CRADD: variants seen among roughly 807,000 people sequenced by gnomAD.
CRADD encodes death domain-containing protein CRADD.
A neutral mutation model predicts 15.5 loss-of-function variants in CRADD; 9 were observed. The ratio of observed to expected loss-of-function variants is 0.58; its 90% confidence interval spans 0.35 to 1.01. The LOEUF (loss-of-function observed/expected upper bound fraction) is 1.01. CRADD is among the 50% of genes least tolerant of loss of function. The pLI, the probability that CRADD is intolerant of heterozygous loss-of-function variation, is 0.02. For missense variants in CRADD, 227 were observed against 250.3 expected, an observed-to-expected ratio of 0.91 and a Z score of 0.63; for synonymous variants, 118 against 107.6, an observed-to-expected ratio of 1.10 and a Z score of -0.60.
chr12:93,767,939 A>T (rs1957042919), intron 2 of CRADD, among the ~76,000 whole-genome samples: 1 of 152,260 alleles, frequency 6.6e-6, no homozygotes, highest in Non-Finnish European at 1.5e-5. Flanking sequence ...ATTTTGGAGT[A>T]TATCTTTCCT....
At chr12:93,716,092 A>G (rs1468813128) in intron 2 of CRADD, among the ~76,000 whole-genome samples, 1 of 151,712 alleles carries the variant, frequency 6.6e-6, no homozygotes, top group Non-Finnish European at 1.5e-5. Flanking sequence ...AGATTGTGCC[A>G]CTGCACTCTA....
intron 2 of CRADD, chr12:93,733,732 C>G (rs1956511157): frequency 6.6e-6 from 1 of 151,844 alleles, no homozygotes; most frequent in African/African-American, 2.4e-5. Flanking sequence ...ATCCATTCAT[C>G]CATCCTTTGT....
rs142345247 is a variant in CRADD at position 93,850,451 on chromosome 12, A to C, written c.*180A>C. On this transcript the variant is annotated 3_prime_UTR_variant, in exon 3 of 3. Coordinates refer to ENST00000332896, the MANE Select transcript of CRADD (RefSeq NM_003805.5). This position sits in a 1 kb window ranked among gnomAD's most constrained non-coding sequence, Gnocchi z 4.0. ...CTTGAAAGGCCAGATTACTCAGCAGATCTCCCATGTTGGCTCAACAATTCT... is the reference window on the plus strand; with the variant it reads ...CTTGAAAGGCCAGATTACTCAGCAGCTCTCCCATGTTGGCTCAACAATTCT... 418 of 1,347,022 alleles carry C rather than the reference A, an allele frequency of 3.1e-4. No homozygotes were observed. The East Asian group carries it at 6.1e-3, about 20-fold the overall frequency. 83.4% of individuals were successfully genotyped at this position (1,347,022 alleles called of 1,614,324 possible).
At chr12:93,753,435 G>A (rs7976382) in intron 2 of CRADD, among the ~76,000 whole-genome samples, 85,801 of 151,930 alleles carry the variant, frequency 0.56, 25,275 homozygotes, top group East Asian at 0.89. Flanking sequence ...AGTCCCCCAA[G>A]GTCTTAGCTC....
intron 2 of CRADD, among the ~76,000 whole-genome samples, chr12:93,786,099 T>A (rs2136978435): frequency 6.6e-6 from 1 of 152,336 alleles, no homozygotes; most frequent in Non-Finnish European, 1.5e-5. Context: ...TTTGATATAA[T>A]GGAGGTACAA....
chr12:93,850,161 T>A lies in CRADD; in HGVS notation c.490T>A (p.Phe164Ile). 1 of 1,613,784 alleles carries A rather than the reference T, an allele frequency of 6.2e-7. No individual in the cohort carries two copies. The highest frequency in any genetic ancestry group is 8.5e-7 in the Non-Finnish European group (1 of 1,179,772). ...HNVQSQVVEA[F>I]IRWRQRFGKQ... ...CGTGCAGTCGCAGGTGGTGGAGGCC[T>A]TCATCCGTTGGCGGCAGCGCTTCGG... Residue 164 changes from phenylalanine (F) to isoleucine (I), a missense_variant, in exon 3 of 3, where the codon TTC becomes ATC. Transcript: ENST00000332896. The surrounding 1 kb of genome is among the most constrained non-coding windows in gnomAD (Gnocchi z 4.0).
intron 2 of CRADD, among the ~76,000 whole-genome samples, chr12:93,822,883 T>G (rs1205973455): frequency 2.0e-5 from 3 of 152,224 alleles, no homozygotes; most frequent in African/African-American, 4.8e-5. Flanking sequence ...CTTTCAAATC[T>G]CTGTGCAATT....
chr12:93,682,042 G>A lies in CRADD; in HGVS notation c.298+2970G>A, dbSNP rs147001514. Among the ~76,000 whole-genome samples the A allele has an allele frequency of 2.5e-3, 374 of 152,140 alleles. 4 individuals carry two copies. Among genetic ancestry groups the A allele is most frequent in the Non-Finnish European group, 2.5e-4 (17 of 68,014 alleles). Reference sequence around the variant, plus strand: ...TTACATGTTTAAAGTAATTTAATTGGTGGCAATATTTTAATTCTAAAATTA... The same window carrying A: ...TTACATGTTTAAAGTAATTTAATTGATGGCAATATTTTAATTCTAAAATTA... On this transcript the variant is annotated intron_variant, in intron 2 of 2. Transcript: ENST00000332896.
At chr12:93,711,514 A>G (rs1386618392) in intron 2 of CRADD, among the ~76,000 whole-genome samples, 4 of 150,900 alleles carry the variant, frequency 2.7e-5, no homozygotes, top group Non-Finnish European at 4.4e-5. Flanking sequence ...ATTAGCTCCC[A>G]CTCTTGCCTC....
intron 2 of CRADD, among the ~76,000 whole-genome samples, chr12:93,679,531 G>A (rs763311139): frequency 1.3e-5 from 2 of 152,146 alleles, no homozygotes. Context: ...GGGACTGAAG[G>A]GACATGACGT....
intron 2 of CRADD, among the ~76,000 whole-genome samples, chr12:93,781,936 G>A (rs183185780): frequency 3.0e-4 from 46 of 152,272 alleles, no homozygotes; most frequent in Non-Finnish European, 5.6e-4. Flanking sequence ...TCAGTGTGGC[G>A]ATTCCTCAGG....
intron 2 of CRADD, among the ~76,000 whole-genome samples, chr12:93,870,033 A>G (rs1958404718): frequency 6.6e-6 from 1 of 152,210 alleles, no homozygotes. Flanking sequence ...AAAATCTTTA[A>G]AACAGCCCAA....
chr12:93,816,008 A>G lies in CRADD; in HGVS notation c.299-33962A>G, dbSNP rs562041076. The G allele has an allele frequency of 4.6e-5, 7 of 152,370 alleles. No homozygotes were observed. In the South Asian group the frequency reaches 1.0e-3, roughly 23 times the overall value. 9.4% of individuals were successfully genotyped at this position (152,370 alleles called of 1,614,324 possible). ...AGAAAGCTGATTCTAGAGTAGGGCT[A>G]TCTAATAGAAATATCATGCAAGCCA... is the stretch of plus-strand genomic sequence containing the variant. On this transcript the variant is annotated intron_variant, in intron 2 of 2. Transcript: ENST00000332896.
intron 2 of CRADD, among the ~76,000 whole-genome samples, chr12:93,861,257 G>A (rs374160518): frequency 9.9e-5 from 15 of 152,226 alleles, no homozygotes; most frequent in African/African-American, 2.9e-4. Context: ...AGCAGAGGTG[G>A]GACACCATCT....
At chr12:93,889,113 G>A (rs1010795704) in intron 2 of CRADD, among the ~76,000 whole-genome samples, 1 of 152,168 alleles carries the variant, frequency 6.6e-6, no homozygotes, top group Non-Finnish European at 1.5e-5. Flanking sequence ...GACATCATGT[G>A]ACAAGGCTAG....
chr12:93,733,981 T>C (rs1956516879), intron 2 of CRADD, among the ~76,000 whole-genome samples: 1 of 152,118 alleles, frequency 6.6e-6, no homozygotes, highest in African/African-American at 2.4e-5. Flanking sequence ...AGGCCATCTG[T>C]CTACCTCAGC....
chr12:93,760,532 TC>T (rs1178562399), intron 2 of CRADD, among the ~76,000 whole-genome samples: 1 of 152,216 alleles, frequency 6.6e-6, no homozygotes, highest in Non-Finnish European at 1.5e-5. Flanking sequence ...GATGTTAGAA[TC>T]TTCACATATA....
chr12:93,742,127 G>T (rs1022953686), intron 2 of CRADD, among the ~76,000 whole-genome samples: 1 of 152,132 alleles, frequency 6.6e-6, no homozygotes, highest in Non-Finnish European at 1.5e-5. Context: ...TTTCATGTTA[G>T]CCCAAAATGA....
intron 2 of CRADD, among the ~76,000 whole-genome samples, chr12:93,750,425 T>C (rs1956816251): frequency 6.6e-6 from 1 of 152,226 alleles, no homozygotes; most frequent in Non-Finnish European, 1.5e-5. Context: ...TAGAGAAAAC[T>C]GATATGATGC....
Sources: allele counts gnomAD v4.1 joint callset (sites outside exome capture counted in the v4.1 genomes callset), GRCh38; gene constraint gnomAD v4.1.1; non-coding constraint Gnocchi (gnomAD v3.1); transcripts MANE v1.5; gene names NCBI Gene and HGNC (gene_info 2026-07-23, HGNC 2026-07-21).